Variants in SPOCK3 observed in about 807,000 individuals in gnomAD.
SPOCK3 encodes testican-3.
A neutral mutation model predicts 56.6 loss-of-function variants in SPOCK3; 30 were observed. The ratio of observed to expected loss-of-function variants is 0.53; its 90% confidence interval spans 0.40 to 0.72. The LOEUF is 0.72. Ranked by LOEUF, SPOCK3 falls within the 30% of genes least tolerant of loss-of-function variation. SPOCK3 has a pLI of 0.00. For missense variants in SPOCK3, 527 were observed against 530.0 expected (o/e 0.99, Z 0.06); for synonymous variants, 196 against 183.3 (o/e 1.07, Z -0.56).
Position 167,132,521 on chromosome 4 carries a change from C to T in SPOCK3, c.190-69984G>A, listed in dbSNP as rs7658544. ...TTTATTTTAATCTCCTTTAAAAAGT[C>T]CTTAGCCTTTGAAGGATATTTCTGA... On this transcript the variant is annotated intron_variant, in intron 2 of 10. Transcript: ENST00000357545. Among the ~76,000 whole-genome samples, 354 of 152,234 alleles carry T rather than the reference C, an allele frequency of 2.3e-3. 4 individuals are homozygous for T. The highest frequency in any genetic ancestry group is 6.1e-3 in the African/African-American group (255 of 41,548).
chr4:167,008,397 T>C (rs1158794595), intron 3 of SPOCK3, among the ~76,000 whole-genome samples: 2 of 152,086 alleles, frequency 1.3e-5, no homozygotes, highest in African/African-American at 2.4e-5. Flanking sequence ...TTACTAGAGG[T>C]AATATTAGCA....
chr4:166,973,894 T>C (rs1249341257), intron 4 of SPOCK3, among the ~76,000 whole-genome samples: 1 of 152,166 alleles, frequency 6.6e-6, no homozygotes, highest in South Asian at 2.1e-4. Context: ...TACATAAATA[T>C]ATATACACAT....
intron 4 of SPOCK3, among the ~76,000 whole-genome samples, chr4:166,984,264 G>A (rs1408566493): frequency 2.0e-5 from 3 of 151,966 alleles, no homozygotes; most frequent in African/African-American, 7.2e-5. Context: ...AGATTAAAGA[G>A]CAAGGTTGTA....
At chr4:166,818,350 T>C (rs1744588103) in intron 6 of SPOCK3, among the ~76,000 whole-genome samples, 1 of 152,046 alleles carries the variant, frequency 6.6e-6, no homozygotes, top group Admixed American at 6.6e-5. Flanking sequence ...TCAATAAATG[T>C]TAGCTTTTTT....
intron 2 of SPOCK3, among the ~76,000 whole-genome samples, chr4:167,199,111 C>T (rs1222620229): frequency 6.6e-6 from 1 of 152,060 alleles, no homozygotes; most frequent in African/African-American, 2.4e-5. Flanking sequence ...GAAAGCAGCA[C>T]AGCACTGATT....
At chr4:167,182,308 G>C (rs1008979482) in intron 2 of SPOCK3, among the ~76,000 whole-genome samples, 5 of 150,538 alleles carry the variant, frequency 3.3e-5, no homozygotes, top group Non-Finnish European at 5.9e-5. Flanking sequence ...TACTTAGCCA[G>C]AACTAACATG....
In SPOCK3 at chr4:167,034,655, T is replaced by C. The variant is rs188654740; in HGVS notation, c.235+27837A>G. On this transcript the variant is annotated intron_variant, in intron 3 of 10. Transcript: ENST00000357545. ...GCAAACTTTTAATCCAGATAAAATA[T>C]GGCCTCCAAGATCTATATCTGGTGA... Among the ~76,000 whole-genome samples, 12 of 152,240 alleles carry C rather than the reference T, an allele frequency of 7.9e-5. No individual in the cohort carries two copies. In the East Asian group the frequency reaches 2.3e-3, roughly 29 times the overall value.
At chr4:167,136,298 T>C (rs894072990) in intron 2 of SPOCK3, among the ~76,000 whole-genome samples, 1 of 152,132 alleles carries the variant, frequency 6.6e-6, no homozygotes, top group Non-Finnish European at 1.5e-5. Flanking sequence ...GTGGTGAAGA[T>C]ATGACGCAAA....
At chr4:166,911,914 T>G (rs1299831118) in intron 5 of SPOCK3, among the ~76,000 whole-genome samples, 2 of 152,156 alleles carry the variant, frequency 1.3e-5, no homozygotes, top group Non-Finnish European at 2.9e-5. Context: ...ATATATATTT[T>G]TTAAATCTAA....
At chr4:167,217,371 T>G (rs1735469465) in intron 2 of SPOCK3, among the ~76,000 whole-genome samples, 1 of 151,324 alleles carries the variant, frequency 6.6e-6, no homozygotes, top group African/African-American at 2.4e-5. Flanking sequence ...TTTTGTTGTT[T>G]CTTGGTATTT....
rs140451262 is a variant in SPOCK3, at chr4:167,019,748, C to A, written c.236-19285G>T. On this transcript the variant is annotated intron_variant, in intron 3 of 10. Transcript: ENST00000357545. ...CATTCTCCAAATATCACTTTTTCTT[C>A]TCCTGAACATTTCATTTTCCGACCT... Among the ~76,000 whole-genome samples the A allele has an allele frequency of 5.5e-4, 83 of 152,138 alleles. 1 individual carries two copies. In the East Asian group the frequency reaches 0.016, roughly 29 times the overall value.
intron 3 of SPOCK3, among the ~76,000 whole-genome samples, chr4:167,042,291 T>C (rs960969881): frequency 2.0e-5 from 3 of 152,200 alleles, no homozygotes; most frequent in Admixed American, 1.3e-4. Flanking sequence ...AATCCTTGGA[T>C]GTGGAACCTA....
chr4:167,047,233 G>C lies in SPOCK3; in HGVS notation c.235+15259C>G, dbSNP rs192201848. On this transcript the variant is annotated intron_variant, in intron 3 of 10. Coordinates refer to ENST00000357545, the MANE Select transcript of SPOCK3 (RefSeq NM_001040159.2). ...ATGACATCTTGTCATAAATGTAACT[G>C]CTTGTAACATCTAACGAGTATTTTA... Among the ~76,000 whole-genome samples, 466 of 152,302 alleles carry C rather than the reference G, an allele frequency of 3.1e-3. 2 individuals are homozygous for C. Among genetic ancestry groups the C allele is most frequent in the African/African-American group, 0.011 (449 of 41,564 alleles).
At chr4:166,999,365 A>G (rs187138481) in intron 4 of SPOCK3, among the ~76,000 whole-genome samples, 115 of 152,306 alleles carry the variant, frequency 7.6e-4, no homozygotes, top group African/African-American at 2.6e-3. Context: ...CTCTTACATT[A>G]TGAGAAACAT....
intron 4 of SPOCK3, among the ~76,000 whole-genome samples, chr4:166,946,082 A>C (rs1741710700): frequency 6.6e-6 from 1 of 152,150 alleles, no homozygotes; most frequent in Non-Finnish European, 1.5e-5. Context: ...AATAACTACG[A>C]TAACCATAGG....
chr4:166,948,692 G>C (rs1250976367), intron 4 of SPOCK3, among the ~76,000 whole-genome samples: 1 of 152,078 alleles, frequency 6.6e-6, no homozygotes, highest in African/African-American at 2.4e-5. Flanking sequence ...TCAACTTGTA[G>C]AGTTTCTGCT....
intron 2 of SPOCK3, among the ~76,000 whole-genome samples, chr4:167,110,243 A>C (rs1416585403): frequency 6.6e-6 from 1 of 151,982 alleles, no homozygotes; most frequent in African/African-American, 2.4e-5. Context: ...AGAGTATTCC[A>C]CATCTTTCTT....
intron 3 of SPOCK3, among the ~76,000 whole-genome samples, chr4:167,013,546 T>C (rs962764529): frequency 4.6e-5 from 7 of 151,246 alleles, no homozygotes; most frequent in African/African-American, 1.5e-4. Flanking sequence ...TATTATAAAA[T>C]ATTATCATAA....
chr4:167,229,150 A>G (rs985729102), intron 2 of SPOCK3, among the ~76,000 whole-genome samples: 17 of 152,204 alleles, frequency 1.1e-4, no homozygotes, highest in Admixed American at 5.2e-4. Flanking sequence ...TTGGATATCC[A>G]TTATTGAGAA....
Sources: allele counts gnomAD v4.1 joint callset (sites outside exome capture counted in the v4.1 genomes callset), GRCh38; gene constraint gnomAD v4.1.1; transcripts MANE v1.5; gene names NCBI Gene and HGNC (gene_info 2026-07-23, HGNC 2026-07-21).